QTMAN: variants seen among roughly 807,000 people sequenced by gnomAD.
QTMAN encodes queuosine-tRNA mannosyltransferase.
the QTMAN span, among the ~76,000 whole-genome samples, chr2:144,302,258 T>C: frequency 6.6e-6 from 1 of 151,570 alleles, no homozygotes; most frequent in Non-Finnish European, 1.5e-5. Flanking sequence ...TATACATATA[T>C]ATACTCACAC....
the QTMAN span, among the ~76,000 whole-genome samples, chr2:144,166,511 CAATT>C: frequency 2.6e-5 from 4 of 152,288 alleles, no homozygotes; most frequent in East Asian, 1.9e-4. Context: ...TGGCTCTTAA[CAATT>C]AATATGTTGA....
At chr2:144,177,381 T>C in the QTMAN span, 1 of 571,304 alleles carries the variant, frequency 1.8e-6, no homozygotes, top group Non-Finnish European at 3.1e-6. Context: ...CAATTGGAGA[T>C]GAAGACCAAC....
the QTMAN span, among the ~76,000 whole-genome samples, chr2:144,047,405 T>C: frequency 9.5e-4 from 144 of 152,246 alleles, no homozygotes; most frequent in Non-Finnish European, 1.5e-4. Context: ...ATGAAAGTAA[T>C]AAGATAAAAA....
chr2:144,137,379 CT>C, the QTMAN span, among the ~76,000 whole-genome samples: 180 of 147,706 alleles, frequency 1.2e-3, 6 homozygotes, highest in South Asian at 0.03. Flanking sequence ...TGCTATGTTT[CT>C]TTTTTTTTTA....
the QTMAN span, among the ~76,000 whole-genome samples, chr2:144,133,066 T>G: frequency 8.1e-6 from 1 of 124,102 alleles, no homozygotes; most frequent in Non-Finnish European, 1.6e-5. Context: ...TATACTGTAC[T>G]ACTGATTTAC....
chr2:143,988,107 G>A, the QTMAN span, among the ~76,000 whole-genome samples: 1 of 152,188 alleles, frequency 6.6e-6, no homozygotes, highest in African/African-American at 2.4e-5. Context: ...AACAATTGAG[G>A]AACATAAATA....
At chr2:144,321,535 G>T in the QTMAN span, among the ~76,000 whole-genome samples, 28 of 152,254 alleles carry the variant, frequency 1.8e-4, no homozygotes, top group Middle Eastern at 0.01. Context: ...TAGATTGACG[G>T]TACTAGAAAA....
the QTMAN span, among the ~76,000 whole-genome samples, chr2:144,297,062 A>G: frequency 6.6e-6 from 1 of 152,224 alleles, no homozygotes. Flanking sequence ...TAAGGAATGC[A>G]TTACGTGATT....
chr2:144,311,884 C>A, the QTMAN span, among the ~76,000 whole-genome samples: 3 of 152,242 alleles, frequency 2.0e-5, no homozygotes, highest in African/African-American at 7.2e-5. Context: ...CTTTGCCTTT[C>A]ATGAAATGCC....
the QTMAN span, chr2:144,007,474 C>T: frequency 5.3e-5 from 85 of 1,611,324 alleles, no homozygotes; most frequent in South Asian, 2.8e-4. Flanking sequence ...AGAACCGCAC[C>T]GCCATTTCCT....
the QTMAN span, among the ~76,000 whole-genome samples, chr2:144,061,460 A>G: frequency 6.6e-6 from 1 of 152,176 alleles, no homozygotes; most frequent in Non-Finnish European, 1.5e-5. Context: ...ATTGAAACCT[A>G]AATATAAATT....
At chr2:144,225,488 C>T in the QTMAN span, among the ~76,000 whole-genome samples, 1 of 152,120 alleles carries the variant, frequency 6.6e-6, no homozygotes, top group Non-Finnish European at 1.5e-5. Context: ...AAATAAGACC[C>T]CTTACAATTT....
chr2:144,138,190 G>C, the QTMAN span, among the ~76,000 whole-genome samples: 2 of 152,070 alleles, frequency 1.3e-5, no homozygotes, highest in African/African-American at 4.8e-5. Flanking sequence ...TGAAGAATGT[G>C]TCATGGTGTG....
chr2:144,002,247 G>A, the QTMAN span, among the ~76,000 whole-genome samples: 1 of 151,876 alleles, frequency 6.6e-6, no homozygotes, highest in Non-Finnish European at 1.5e-5. Context: ...AATAAAATGA[G>A]AAACACACAT....
the QTMAN span, among the ~76,000 whole-genome samples, chr2:144,219,934 T>G: frequency 6.6e-6 from 1 of 152,244 alleles, no homozygotes; most frequent in South Asian, 2.1e-4. Flanking sequence ...AAGTATTCAG[T>G]AAAAGTACAT....
the QTMAN span, among the ~76,000 whole-genome samples, chr2:144,000,061 A>G: frequency 6.6e-6 from 1 of 152,196 alleles, no homozygotes; most frequent in Non-Finnish European, 1.5e-5. Context: ...ACAGTCAACA[A>G]GGCACCAAAA....
At chr2:144,067,163 G>A in the QTMAN span, among the ~76,000 whole-genome samples, 1 of 152,192 alleles carries the variant, frequency 6.6e-6, no homozygotes, top group African/African-American at 2.4e-5. Flanking sequence ...GGAAACTGAG[G>A]CTTCAGAAAG....
chr2:144,056,659 C>T, the QTMAN span, among the ~76,000 whole-genome samples: 1 of 152,164 alleles, frequency 6.6e-6, no homozygotes, highest in Non-Finnish European at 1.5e-5. Context: ...AATCTTCACT[C>T]TCTCCTTCTA....
At chr2:144,087,763 A>G in the QTMAN span, among the ~76,000 whole-genome samples, 1 of 152,126 alleles carries the variant, frequency 6.6e-6, no homozygotes. Context: ...TTTCATTATA[A>G]AAACTCACCA....
Sources: allele counts gnomAD v4.1 joint callset (sites outside exome capture counted in the v4.1 genomes callset), GRCh38; gene constraint gnomAD v4.1.1; transcripts MANE v1.5; gene names NCBI Gene and HGNC (gene_info 2026-07-23, HGNC 2026-07-21).